The following C8orf34 variants were observed in gnomAD, a reference collection of about 807,000 sequenced individuals.
C8orf34 encodes the protein chromosome 8 open reading frame 34.
Under a neutral mutation model 68.3 loss-of-function variants are expected in C8orf34, and 65 were observed. That is an observed-to-expected ratio of 0.95 (90% CI 0.78 to 1.17). The LOEUF is 1.17. Ranked by LOEUF, C8orf34 falls within the 50% of genes most tolerant of loss-of-function variation. The probability of loss-of-function intolerance (pLI) is 0.00; values close to 1 mark genes in which losing one functional copy is unlikely to be tolerated. For synonymous variants in C8orf34, 244 were observed against 241.2 expected (o/e 1.01, Z -0.11); for missense variants, 664 against 655.4 (o/e 1.01, Z -0.14).
chr8:68,373,392 C>G (rs984834687), intron 1 of C8orf34, among the ~76,000 whole-genome samples: 3 of 152,216 alleles, frequency 2.0e-5, no homozygotes, highest in African/African-American at 7.2e-5. Context: ...ATCCAGCTCT[C>G]TCTACTCATA....
intron 10 of C8orf34, among the ~76,000 whole-genome samples, chr8:68,759,190 T>C (rs1247649441): frequency 1.3e-5 from 2 of 152,254 alleles, no homozygotes; most frequent in East Asian, 3.9e-4. Context: ...TTTTACCCAT[T>C]ATATAGACAT....
chr8:68,788,795 G>T (rs1823913081), intron 12 of C8orf34, among the ~76,000 whole-genome samples: 1 of 151,994 alleles, frequency 6.6e-6, no homozygotes, highest in East Asian at 1.9e-4. Flanking sequence ...GGAGGCGGAG[G>T]TTGCAGTAAG....
chr8:68,555,091 CT>C (rs1231403685), intron 7 of C8orf34, among the ~76,000 whole-genome samples: 1 of 151,924 alleles, frequency 6.6e-6, no homozygotes, highest in East Asian at 1.9e-4. Flanking sequence ...ACCCTATTTC[CT>C]TTCCTTTACT....
Position 68,331,002 on chromosome 8 carries a change from G to A in C8orf34, c.-11G>A, listed in dbSNP as rs937128183. On this transcript the variant is annotated 5_prime_UTR_variant, in exon 1 of 14. Coordinates refer to ENST00000518698, the MANE Select transcript of C8orf34 (RefSeq NM_052958.4). The stretch of plus-strand genomic sequence containing the variant: ...GCGGCGAGGGTGGGCGCGAGGCGGA[G>A]AACGCGATGAATGAGTTCTCCCCTC... The A allele has an allele frequency of 5.7e-6, 8 of 1,399,208 alleles. No homozygotes were observed. Among genetic ancestry groups the A allele is most frequent in the Admixed American group, 3.6e-5 (1 of 27,930 alleles). 86.7% of individuals were successfully genotyped at this position (1,399,208 alleles called of 1,614,324 possible).
intron 1 of C8orf34, among the ~76,000 whole-genome samples, chr8:68,423,643 C>A (rs1486070553): frequency 6.6e-6 from 1 of 152,158 alleles, no homozygotes; most frequent in East Asian, 1.9e-4. Flanking sequence ...TCCAAAGTTG[C>A]TTCCACATTT....
intron 1 of C8orf34, among the ~76,000 whole-genome samples, chr8:68,379,972 C>A (rs1425180285): frequency 6.6e-6 from 1 of 152,168 alleles, no homozygotes; most frequent in African/African-American, 2.4e-5. Flanking sequence ...CCAACTGGAA[C>A]CTCCCAAGTA....
intron 10 of C8orf34, among the ~76,000 whole-genome samples, chr8:68,748,806 A>G (rs564484827): frequency 7.2e-5 from 11 of 152,306 alleles, no homozygotes; most frequent in African/African-American, 2.6e-4. Flanking sequence ...AAACTAGTTA[A>G]ACCATTGTGG....
At chr8:68,611,072 G>T (rs1818008922) in intron 7 of C8orf34, among the ~76,000 whole-genome samples, 3 of 151,934 alleles carry the variant, frequency 2.0e-5, no homozygotes, top group Admixed American at 2.0e-4. Flanking sequence ...TCTCCATGTT[G>T]GTCAGGCTGG....
intron 2 of C8orf34, among the ~76,000 whole-genome samples, chr8:68,445,768 C>A (rs1158548765): frequency 1.3e-5 from 2 of 152,014 alleles, no homozygotes; most frequent in African/African-American, 4.8e-5. Context: ...TGATCGGAAC[C>A]CCCGCCTGAA....
intron 7 of C8orf34, among the ~76,000 whole-genome samples, chr8:68,616,980 G>A (rs1047019110): frequency 1.3e-5 from 2 of 152,126 alleles, no homozygotes; most frequent in Non-Finnish European, 2.9e-5. Flanking sequence ...TCCTGTATTG[G>A]GTGCATATAT....
chr8:68,739,415 A>G (rs1198535298), intron 10 of C8orf34, among the ~76,000 whole-genome samples: 1 of 152,104 alleles, frequency 6.6e-6, no homozygotes, highest in Admixed American at 6.6e-5. Flanking sequence ...AAATCAATGT[A>G]CAAAAGTCAG....
At position 68,343,632 on chromosome 8, in the gene C8orf34, C is replaced by A; in HGVS notation, c.327+12293C>A. ...TTTTTAAGACAGAGTCTCGCTCTGC[C>A]GCCCAGGCTGGAGTGCAGTGGCACA... On this transcript the variant is annotated intron_variant, in intron 1 of 13. Transcript: ENST00000518698. 1.3e-5 allele frequency among the ~76,000 whole-genome samples: 2 copies of A among 151,094 alleles called. 1 individual carries two copies. Among genetic ancestry groups the A allele is most frequent in the Non-Finnish European group, 2.9e-5 (2 of 67,830 alleles).
Position 68,331,313 on chromosome 8 carries a change from A to G in C8orf34, c.301A>G (p.Lys101Glu). The G allele has an allele frequency of 6.5e-7, 1 of 1,536,478 alleles. No homozygotes were observed. Among genetic ancestry groups the G allele is most frequent in the Non-Finnish European group, 8.7e-7 (1 of 1,146,984 alleles). ...PQTRIQAYLE[K>E]NKIGPLFEEL... ...AACCCGGATCCAGGCTTACCTGGAG[A>G]AGAACAAGATCGGTCCCCTGTTTGA... The change falls in exon 1 of 14, where the codon AAG becomes GAG. Residue 101 changes from lysine to glutamate, a missense_variant. By Grantham distance (56) the Lys-to-Glu change is moderately conservative (BLOSUM62 1). Transcript: ENST00000518698.
chr8:68,468,835 T>C lies in C8orf34; in HGVS notation c.736+15T>C. Reference sequence around the variant, plus strand: ...TCTCTCTCGAAGTAAGTTCATTTACTTGATTATAATTGAAACTCCTAACCA... The same window carrying C: ...TCTCTCTCGAAGTAAGTTCATTTACCTGATTATAATTGAAACTCCTAACCA... On this transcript the variant is annotated intron_variant, in intron 4 of 13. Coordinates refer to ENST00000518698, the MANE Select transcript of C8orf34 (RefSeq NM_052958.4). 1.2e-6 allele frequency: 2 copies of C among 1,602,766 alleles called. No individual in the cohort carries two copies. The highest frequency in any genetic ancestry group is 1.7e-6 in the Non-Finnish European group (2 of 1,175,638).
intron 10 of C8orf34, among the ~76,000 whole-genome samples, chr8:68,736,296 G>T (rs1401475288): frequency 6.6e-6 from 1 of 152,034 alleles, no homozygotes; most frequent in Non-Finnish European, 1.5e-5. Context: ...ATTTGTAAGT[G>T]CATTGCTAAA....
chr8:68,626,271 T>C (rs1818535453), intron 7 of C8orf34, among the ~76,000 whole-genome samples: 1 of 151,722 alleles, frequency 6.6e-6, no homozygotes, highest in Admixed American at 6.6e-5. Flanking sequence ...AATGGGAGAG[T>C]GGGAGATGTT....
At chr8:68,465,658 G>A (rs914185688) in intron 3 of C8orf34, among the ~76,000 whole-genome samples, 3 of 151,970 alleles carry the variant, frequency 2.0e-5, no homozygotes, top group African/African-American at 7.3e-5. Flanking sequence ...GTAGGGACAC[G>A]GATGAAATTG....
At chr8:68,553,371 C>T (rs189755656) in intron 7 of C8orf34, among the ~76,000 whole-genome samples, 125 of 122,080 alleles carry the variant, frequency 1.0e-3, no homozygotes, top group African/African-American at 3.8e-3. Context: ...GGCGACAGAG[C>T]GAGACTCCAT....
chr8:68,457,660 G>C (rs527792101), intron 3 of C8orf34, among the ~76,000 whole-genome samples: 7 of 152,096 alleles, frequency 4.6e-5, no homozygotes, highest in African/African-American at 1.7e-4. Flanking sequence ...TATACAATAG[G>C]CTGCTTTGTA....
Sources: gnomAD v4.1 joint callset for allele counts (sites outside exome capture counted in the v4.1 genomes callset) on GRCh38, gnomAD v4.1.1 for gene constraint, MANE v1.5 for transcripts, NCBI Gene and HGNC (gene_info 2026-07-23, HGNC 2026-07-21) for gene names.